FBXW4: variants seen among roughly 807,000 people sequenced by gnomAD.
The protein encoded by FBXW4 is F-box/WD repeat-containing protein 4.
In FBXW4, 40 loss-of-function variants were observed where a neutral mutation model predicts 61.8. That is an observed-to-expected ratio of 0.65 (90% CI 0.50 to 0.84). FBXW4 has a LOEUF of 0.84. FBXW4 is among the 40% of genes least tolerant of loss of function. The probability of loss-of-function intolerance (pLI) is 0.00; values close to 1 mark genes in which losing one functional copy is unlikely to be tolerated. For missense variants in FBXW4, 672 were observed against 753.8 expected, an observed-to-expected ratio of 0.89 and a Z score of 1.27; for synonymous variants, 311 against 313.8, an observed-to-expected ratio of 0.99 and a Z score of 0.10.
At chr10:101,681,754 T>C (rs2064480469) in intron 1 of FBXW4, among the ~76,000 whole-genome samples, 1 of 147,958 alleles carries the variant, frequency 6.8e-6, no homozygotes. Flanking sequence ...ATAATAATAA[T>C]AATAACAGGT....
At chr10:101,655,162 A>G (rs530506931) in intron 5 of FBXW4, among the ~76,000 whole-genome samples, 1 of 152,332 alleles carries the variant, frequency 6.6e-6, no homozygotes, top group East Asian at 1.9e-4. Context: ...GTCTTTGTAC[A>G]TATATCTTGC....
chr10:101,636,194 A>G (rs939498381), intron 5 of FBXW4, among the ~76,000 whole-genome samples: 1 of 152,026 alleles, frequency 6.6e-6, no homozygotes, highest in African/African-American at 2.4e-5. Flanking sequence ...TGCTAAAAAT[A>G]CAAAAAAAGA....
In FBXW4 at chr10:101,694,733, C is replaced by T; in HGVS notation, c.373G>A (p.Val125Ile). The T allele has an allele frequency of 1.5e-6, 2 of 1,368,862 alleles. No homozygotes were observed. Among genetic ancestry groups the T allele is most frequent in the South Asian group, 1.7e-5 (1 of 57,762 alleles). 84.8% of individuals were successfully genotyped at this position (1,368,862 alleles called of 1,614,324 possible). Residue 125 changes from valine (V) to isoleucine (I), a missense_variant, in exon 1 of 9, where the codon GTC (valine) becomes ATC (isoleucine). By Grantham distance (29) the Val-to-Ile change is conservative. Coordinates refer to ENST00000331272, the MANE Select transcript of FBXW4 (RefSeq NM_022039.4). This position sits in a 1 kb window ranked among gnomAD's most constrained non-coding sequence, Gnocchi z 6.0. ...REYGKKEEWR[V>I]RARRREGARP... ...GCGCCCTCCCGCCGCCTAGCCCTGA[C>T]CCTCCATTCCTCCTTCTTCCCATAC...
Position 101,611,549 on chromosome 10 carries a change from G to A in FBXW4, c.1584+79C>T. 6.3e-7 allele frequency: 1 copy of A among 1,585,170 alleles called. No homozygotes were observed. Among genetic ancestry groups the A allele is most frequent in the Non-Finnish European group, 8.6e-7 (1 of 1,161,704 alleles). On this transcript the variant is annotated intron_variant, in intron 8 of 8. Coordinates refer to ENST00000331272, the MANE Select transcript of FBXW4 (RefSeq NM_022039.4). The surrounding 1 kb of genome is among the most constrained non-coding windows in gnomAD (Gnocchi z 4.9). ...TCCAACCCTTTCTAGGCACGTCCTT[G>A]GCTACCTCACCCTCTCCCAAATGCA...
At chr10:101,621,810 GGACCTAGAACTTTT>G (rs1373454297) in intron 6 of FBXW4, among the ~76,000 whole-genome samples, 1 of 152,146 alleles carries the variant, frequency 6.6e-6, no homozygotes, top group East Asian at 1.9e-4. Flanking sequence ...AACAACTGAA[GGACCTAGAACTTTT>G]GGCCTGAAGA....
At chr10:101,614,886 C>T (rs2063814186) in intron 6 of FBXW4, among the ~76,000 whole-genome samples, 1 of 151,992 alleles carries the variant, frequency 6.6e-6, no homozygotes, top group African/African-American at 2.4e-5. Context: ...GAAATGGCAC[C>T]GTGGGCCCTT....
At chr10:101,627,567 G>C (rs2134822586) in intron 5 of FBXW4, among the ~76,000 whole-genome samples, 1 of 152,192 alleles carries the variant, frequency 6.6e-6, no homozygotes, top group Non-Finnish European at 1.5e-5. Context: ...TAGGAAGAAT[G>C]AGCAAAAGCT....
chr10:101,613,438 G>A (rs925155146), intron 6 of FBXW4, among the ~76,000 whole-genome samples: 3 of 152,214 alleles, frequency 2.0e-5, no homozygotes, highest in African/African-American at 7.2e-5. Context: ...TCCTTTACCC[G>A]TGAGACGCTG....
At position 101,672,979 on chromosome 10, in the gene FBXW4, T is replaced by C; in HGVS notation, c.1076A>G (p.Glu359Gly). Residue 359 changes from glutamate to glycine, a missense_variant, in exon 4 of 9, where the codon GAG becomes GGG. By Grantham distance (98) the Glu-to-Gly change is moderately conservative. Transcript: ENST00000331272. Reference sequence around the variant, plus strand: ...CCCTTTGCAATCCACACAGTTCACCTCCTGTTCATGAGCCGAGTACTTGAC... The same window carrying C: ...CCCTTTGCAATCCACACAGTTCACCCCCTGTTCATGAGCCGAGTACTTGAC... ...FTVKYSAHEQ[E>G]VNCVDCKGGI... 6.2e-7 allele frequency: 1 copy of C among 1,614,096 alleles called. No individual in the cohort carries two copies. The highest frequency in any genetic ancestry group is 8.5e-7 in the Non-Finnish European group (1 of 1,180,000).
At chr10:101,618,831 G>A (rs2063845489) in intron 6 of FBXW4, among the ~76,000 whole-genome samples, 1 of 152,092 alleles carries the variant, frequency 6.6e-6, no homozygotes, top group Non-Finnish European at 1.5e-5. Flanking sequence ...GCTATCAGGG[G>A]CCCAGCTGTG....
At chr10:101,673,145 C>A in intron 3 of FBXW4, 98 bp from the exon 4 acceptor site, 2 of 1,456,894 alleles carry the variant, frequency 1.4e-6, no homozygotes, top group Non-Finnish European at 1.8e-6. Context: ...CAGTGACATC[C>A]AAATTTGCTA....
intron 5 of FBXW4, among the ~76,000 whole-genome samples, chr10:101,638,728 G>A (rs917723943): frequency 1.3e-5 from 2 of 152,196 alleles, no homozygotes; most frequent in Non-Finnish European, 2.9e-5. Flanking sequence ...TGAATTAAAT[G>A]TGATTCTGAT....
chr10:101,668,693 T>TGA, intron 4 of FBXW4, among the ~76,000 whole-genome samples: 1 of 152,178 alleles, frequency 6.6e-6, no homozygotes, highest in African/African-American at 2.4e-5. Flanking sequence ...GGAATGTACA[T>TGA]TAGCAGCCAC....
Position 101,672,942 on chromosome 10 carries a change from C to T in FBXW4, c.1113G>A (p.Val371=), listed in dbSNP as rs1201199354. 1 of 1,614,120 alleles carries T rather than the reference C, an allele frequency of 6.2e-7. No homozygotes were observed. The highest frequency in any genetic ancestry group is 8.5e-7 in the Non-Finnish European group (1 of 1,180,014). The stretch of plus-strand genomic sequence containing the variant: ...TGGCCGTCCTGTCCCTGGAGCCACT[C>T]ACAATGATGCCCCCTTTGCAATCCA... ...NCVDCKGGII[V]SGSRDRTAKV... Residue 371 remains valine, a synonymous_variant, in exon 4 of 9, where the codon GTG becomes GTA. Coordinates refer to ENST00000331272, the MANE Select transcript of FBXW4 (RefSeq NM_022039.4).
At chr10:101,689,569 T>C in intron 1 of FBXW4, among the ~76,000 whole-genome samples, 1 of 152,200 alleles carries the variant, frequency 6.6e-6, no homozygotes, top group East Asian at 1.9e-4. Context: ...TAAGTGACTG[T>C]CCTCCCTGGG....
At chr10:101,648,138 GT>G (rs2064116334) in intron 5 of FBXW4, among the ~76,000 whole-genome samples, 1 of 152,142 alleles carries the variant, frequency 6.6e-6, no homozygotes, top group Non-Finnish European at 1.5e-5. Context: ...TGCGATTTGG[GT>G]TTTTTTGTTT....
At chr10:101,659,254 G>A (rs1810293580) in intron 5 of FBXW4, 2 of 368,618 alleles carry the variant, frequency 5.4e-6, no homozygotes, top group South Asian at 2.2e-4. Context: ...GCATGAGGGT[G>A]TCCACCTGTT....
chr10:101,623,176 C>T (rs866066665), intron 6 of FBXW4, among the ~76,000 whole-genome samples: 3 of 152,146 alleles, frequency 2.0e-5, no homozygotes, highest in African/African-American at 7.2e-5. Flanking sequence ...AATCCTAGCA[C>T]TTTGGGAGGC....
At chr10:101,693,094 G>A (rs773126582) in intron 1 of FBXW4, among the ~76,000 whole-genome samples, 1 of 152,168 alleles carries the variant, frequency 6.6e-6, no homozygotes, top group Non-Finnish European at 1.5e-5. Context: ...CCAGCCAGTG[G>A]TAAAAGAGAT....
Sources: allele counts gnomAD v4.1 joint callset (sites outside exome capture counted in the v4.1 genomes callset), GRCh38; gene constraint gnomAD v4.1.1; non-coding constraint Gnocchi (gnomAD v3.1); transcripts MANE v1.5; gene names NCBI Gene and HGNC (gene_info 2026-07-23, HGNC 2026-07-21).